Variants in CECR2 observed in about 807,000 individuals in gnomAD.
The protein encoded by CECR2 is chromatin remodeling regulator CECR2.
Under a neutral mutation model 154.5 loss-of-function variants are expected in CECR2, and 30 were observed. That is an observed-to-expected ratio of 0.19 (90% CI 0.15 to 0.26). The LOEUF (loss-of-function observed/expected upper bound fraction) is 0.26. Ranked by LOEUF, CECR2 falls within the 10% of genes least tolerant of loss-of-function variation. The pLI, the probability that CECR2 is intolerant of heterozygous loss-of-function variation, is 1.00. For synonymous variants in CECR2, 725 were observed against 683.7 expected, an observed-to-expected ratio of 1.06 and a Z score of -0.94; for missense variants, 1,743 against 1,829.3, an observed-to-expected ratio of 0.95 and a Z score of 0.86.
At chr22:17,533,025 T>C (rs914856307) in intron 9 of CECR2, among the ~76,000 whole-genome samples, 2 of 151,828 alleles carry the variant, frequency 1.3e-5, no homozygotes, top group African/African-American at 4.8e-5. Flanking sequence ...TATTAAAAGA[T>C]AGCATGACCC....
intron 6 of CECR2, among the ~76,000 whole-genome samples, chr22:17,504,355 A>G (rs1370317117): frequency 1.3e-5 from 2 of 152,042 alleles, no homozygotes; most frequent in Non-Finnish European, 2.9e-5. Context: ...AGCCTGGACA[A>G]TAGAGCCAGA....
intron 8 of CECR2, among the ~76,000 whole-genome samples, chr22:17,517,084 G>A (rs1237870388): frequency 6.6e-6 from 1 of 151,274 alleles, no homozygotes; most frequent in Non-Finnish European, 1.5e-5. Flanking sequence ...TCACCATCTT[G>A]GCCAGGCTGG....
At chr22:17,491,151 G>A (rs1195730729) in intron 2 of CECR2, among the ~76,000 whole-genome samples, 2 of 152,180 alleles carry the variant, frequency 1.3e-5, no homozygotes, top group Non-Finnish European at 2.9e-5. Flanking sequence ...GCTTTTGGCT[G>A]TTAGGAATTC....
In CECR2 at chr22:17,482,072, G is replaced by A. The variant is rs145293999; in HGVS notation, c.221+4390G>A. Among the ~76,000 whole-genome samples the A allele has an allele frequency of 1.0e-4, 13 of 128,616 alleles. No individual in the cohort carries two copies. The East Asian group carries it at 2.7e-3, about 27-fold the overall frequency. The allele number at this position is 128,616 out of a possible 152,430, so 84.4% of individuals were successfully genotyped here. A position where few individuals can be genotyped will look rare whatever the true frequency, so the allele number is the denominator to read the frequency against. ...GGAGCTTGCAGGAAGCCGAGATCACGCCACTGCTCTCCAGCCTGGGTGACA... is the reference window on the plus strand; with the variant it reads ...GGAGCTTGCAGGAAGCCGAGATCACACCACTGCTCTCCAGCCTGGGTGACA... On this transcript the variant is annotated intron_variant, in intron 2 of 18. Coordinates refer to ENST00000262608, the MANE Select transcript of CECR2 (RefSeq NM_001290047.2).
rs1353267197 is a variant in CECR2 at position 17,507,699 on chromosome 22, C to G, written c.870+2683C>G. Among the ~76,000 whole-genome samples the G allele has an allele frequency of 2.0e-5, 3 of 152,078 alleles. No homozygotes were observed. The East Asian group carries it at 5.8e-4, about 29-fold the overall frequency. ...GGAGAAAAATTCAAATAAGGTAACC[C>G]TTAAATAGGGTAATCTTTAAATACA... On this transcript the variant is annotated intron_variant, in intron 7 of 18. Coordinates refer to ENST00000262608, the MANE Select transcript of CECR2 (RefSeq NM_001290047.2).
At chr22:17,412,316 A>G (rs536791880) in intron 1 of CECR2, among the ~76,000 whole-genome samples, 2 of 152,306 alleles carry the variant, frequency 1.3e-5, no homozygotes, top group South Asian at 4.1e-4. Flanking sequence ...AATGTGATTC[A>G]GTCCAGTTGG....
chr22:17,435,151 AG>A (rs1281544552), intron 1 of CECR2, among the ~76,000 whole-genome samples: 4 of 152,128 alleles, frequency 2.6e-5, no homozygotes, highest in Admixed American at 1.3e-4. Context: ...TTTCAAGCAA[AG>A]GGAGATACCC....
intron 1 of CECR2, among the ~76,000 whole-genome samples, chr22:17,380,621 G>A (rs2063176217): frequency 6.6e-6 from 1 of 152,196 alleles, no homozygotes; most frequent in South Asian, 2.1e-4. Flanking sequence ...AGAACAGACT[G>A]TGTGTACCCT....
At chr22:17,482,924 T>G (rs1032037482) in intron 2 of CECR2, among the ~76,000 whole-genome samples, 3 of 152,018 alleles carry the variant, frequency 2.0e-5, no homozygotes, top group Admixed American at 6.6e-5. Flanking sequence ...CTCGTGATCC[T>G]CCCACCTTGG....
intron 1 of CECR2, among the ~76,000 whole-genome samples, chr22:17,433,285 A>G (rs2054454721): frequency 1.3e-5 from 2 of 151,494 alleles, no homozygotes; most frequent in African/African-American, 4.9e-5. Flanking sequence ...TGCTGTTAAT[A>G]TAATACCCAG....
At chr22:17,376,069 A>G (rs1332806835) in intron 1 of CECR2, among the ~76,000 whole-genome samples, 2 of 152,210 alleles carry the variant, frequency 1.3e-5, no homozygotes, top group Non-Finnish European at 2.9e-5. Flanking sequence ...CAAGGAGGAA[A>G]GCCAAAGAAC....
intron 1 of CECR2, among the ~76,000 whole-genome samples, chr22:17,436,178 T>TTGATCTCC (rs1471283077): frequency 1.3e-5 from 2 of 152,208 alleles, no homozygotes; most frequent in Non-Finnish European, 2.9e-5. Context: ...CAGGATGGTC[T>TTGATCTCC]TGATCTCCTG....
chr22:17,470,886 C>T (rs1453741030), intron 1 of CECR2, among the ~76,000 whole-genome samples: 3 of 152,134 alleles, frequency 2.0e-5, no homozygotes, highest in African/African-American at 7.2e-5. Flanking sequence ...TCTTTCTTTT[C>T]TTTGTTCAAA....
At chr22:17,512,198 G>C (rs1400854004) in intron 8 of CECR2, among the ~76,000 whole-genome samples, 1 of 152,020 alleles carries the variant, frequency 6.6e-6, no homozygotes, top group Non-Finnish European at 1.5e-5. Flanking sequence ...GGAGGATGTA[G>C]AGCTGGGCAA....
chr22:17,520,598 C>T (rs1403065314), intron 8 of CECR2, among the ~76,000 whole-genome samples: 1 of 152,038 alleles, frequency 6.6e-6, no homozygotes, highest in Non-Finnish European at 1.5e-5. Context: ...TGACAGACCC[C>T]GGTGTGTGAT....
chr22:17,505,836 T>C (rs1056751390), intron 7 of CECR2, among the ~76,000 whole-genome samples: 4 of 66,204 alleles, frequency 6.0e-5, no homozygotes, highest in African/African-American at 2.6e-4. Flanking sequence ...TGCACCCGGC[T>C]TTTTTTTTTT....
chr22:17,537,336 C>T (rs1482953348), intron 10 of CECR2, 104 bp downstream of exon 10: 2 of 1,339,642 alleles, frequency 1.5e-6, no homozygotes, highest in Non-Finnish European at 1.0e-6. Context: ...TGTTGGGTAA[C>T]ATGGTCACCA....
At chr22:17,499,117 G>T (rs2055688967) in intron 3 of CECR2, among the ~76,000 whole-genome samples, 1 of 151,846 alleles carries the variant, frequency 6.6e-6, no homozygotes, top group Non-Finnish European at 1.5e-5. Context: ...AGCCTCCCGA[G>T]TAGCTGGGAT....
At chr22:17,461,831 C>T (rs1375334619) in intron 1 of CECR2, among the ~76,000 whole-genome samples, 5 of 147,020 alleles carry the variant, frequency 3.4e-5, no homozygotes, top group Non-Finnish European at 5.9e-5. Flanking sequence ...CTCGCTCTGT[C>T]GCCCAGGCTG....
Sources: allele counts gnomAD v4.1 joint callset (sites outside exome capture counted in the v4.1 genomes callset), GRCh38; gene constraint gnomAD v4.1.1; transcripts MANE v1.5; gene names NCBI Gene and HGNC (gene_info 2026-07-23, HGNC 2026-07-21).